The following SVOP variants were observed in gnomAD, a reference collection of about 807,000 sequenced individuals.
The protein encoded by SVOP is SV2 related protein.
A neutral mutation model predicts 69.1 loss-of-function variants in SVOP; 17 were observed. The ratio of observed to expected loss-of-function variants is 0.25; its 90% CI spans 0.17 to 0.37. The LOEUF (loss-of-function observed/expected upper bound fraction) is 0.37, where lower values mean the gene tolerates loss of function less well. SVOP is among the 10% of genes least tolerant of loss of function. The probability of loss-of-function intolerance (pLI) is 1.00; values close to 1 mark genes in which losing one functional copy is unlikely to be tolerated. For synonymous variants in SVOP, 238 were observed against 238.6 expected (o/e 1.00, Z 0.02); for missense variants, 435 against 597.5 (o/e 0.73, Z 2.84).
chr12:108,977,631 C>G (rs1428073019), intron 3 of SVOP, 135 bp from the exon 4 acceptor site: 1 of 572,510 alleles, frequency 1.7e-6, no homozygotes, highest in Admixed American at 2.6e-5. Flanking sequence ...TGCTGCACAT[C>G]AAACCACACT....
chr12:108,971,250 G>A (rs1427851036), intron 5 of SVOP, among the ~76,000 whole-genome samples: 13 of 152,194 alleles, frequency 8.5e-5, no homozygotes, highest in African/African-American at 3.1e-4. Flanking sequence ...CCAACATGGT[G>A]AAACCCTGTC....
Position 108,908,854 on chromosome 12 carries a change from C to T in SVOP, c.*3681G>A, listed in dbSNP as rs1012999183. On this transcript the variant is annotated 3_prime_UTR_variant, in exon 16 of 16. Transcript: ENST00000610966. The stretch of plus-strand genomic sequence containing the variant: ...GAGGCTGTGGGTATCCCTTGGTGCT[C>T]GTAGGCCCTTCCTTCCAGCCCTACA... The T allele has an allele frequency of 1.3e-5, 2 of 152,158 alleles. No individual in the cohort carries two copies. Among genetic ancestry groups the T allele is most frequent in the East Asian group, 1.9e-4 (1 of 5,186 alleles). The allele number at this position is 152,158 out of a possible 1,614,324, so 9.4% of individuals were successfully genotyped here.
rs1055919379 is a variant in SVOP at position 108,912,373 on chromosome 12, A to G, written c.*162T>C. 2.6e-4 allele frequency: 388 copies of G among 1,488,780 alleles called. No individual in the cohort carries two copies. Among genetic ancestry groups the G allele is most frequent in the Non-Finnish European group, 2.9e-4 (327 of 1,125,704 alleles). The allele number at this position is 1,488,780 out of a possible 1,614,324, so 92.2% of individuals were successfully genotyped here. ...TCTCCCCATCCCTGGGTGGACCTCA[A>G]TGAAGATGAGCAAACTGAGTCAAGA... is the stretch of plus-strand genomic sequence containing the variant. On this transcript the variant is annotated 3_prime_UTR_variant, in exon 16 of 16. Transcript: ENST00000610966.
chr12:108,970,395 A>C (rs2040071973), intron 5 of SVOP, among the ~76,000 whole-genome samples: 1 of 152,176 alleles, frequency 6.6e-6, no homozygotes, highest in African/African-American at 2.4e-5. Context: ...AATGGTTATT[A>C]AGGGGATTGG....
At chr12:109,015,585 G>A (rs1427720632) in intron 1 of SVOP, among the ~76,000 whole-genome samples, 5 of 152,170 alleles carry the variant, frequency 3.3e-5, no homozygotes, top group Non-Finnish European at 5.9e-5. Flanking sequence ...GCCAAGGCGG[G>A]AGGGTCACTT....
Position 108,934,359 on chromosome 12 carries a change from C to T in SVOP, c.972-88G>A, listed in dbSNP as rs551500509. On this transcript the variant is annotated intron_variant, in intron 10 of 15. Coordinates refer to ENST00000610966, the MANE Select transcript of SVOP (RefSeq NM_018711.5). The stretch of plus-strand genomic sequence containing the variant: ...CCCCCTTGGGAAGGGCCAATGTCTA[C>T]AGCAGCAGGGACCAGTCTTTGGGCT... 5.4e-6 allele frequency: 6 copies of T among 1,116,892 alleles called. No individual in the cohort carries two copies. In the African/African-American group the frequency reaches 7.8e-5, roughly 15 times the overall value. 69.2% of individuals were successfully genotyped at this position (1,116,892 alleles called of 1,614,324 possible).
Position 108,977,606 on chromosome 12 carries a change from C to G in SVOP, c.283-110G>C, listed in dbSNP as rs944173698. 50 of 643,952 alleles carry G rather than the reference C, an allele frequency of 7.8e-5. No individual in the cohort carries two copies. In the Admixed American group the frequency reaches 1.0e-3, roughly 13 times the overall value. 39.9% of individuals were successfully genotyped at this position (643,952 alleles called of 1,614,324 possible). On this transcript the variant is annotated intron_variant, in intron 3 of 15. Coordinates refer to ENST00000610966, the MANE Select transcript of SVOP (RefSeq NM_018711.5). ...AGACTGTAGCACACCCCTCTCTACC[C>G]ATTGCCAAGTGCCCTGCTGCACATC...
At chr12:108,963,756 C>T (rs2040030156) in intron 5 of SVOP, among the ~76,000 whole-genome samples, 1 of 152,182 alleles carries the variant, frequency 6.6e-6, no homozygotes, top group African/African-American at 2.4e-5. Context: ...ATCCACCCAC[C>T]TCAGCCTCCT....
chr12:108,918,369 G>C (rs958173113), intron 13 of SVOP, among the ~76,000 whole-genome samples: 21 of 152,208 alleles, frequency 1.4e-4, no homozygotes, highest in African/African-American at 4.8e-4. Context: ...CCCAGGATGG[G>C]CACAAGATTA....
intron 6 of SVOP, among the ~76,000 whole-genome samples, chr12:108,948,521 C>A (rs2039937116): frequency 6.6e-6 from 1 of 152,168 alleles, no homozygotes; most frequent in Non-Finnish European, 1.5e-5. Context: ...AGCAGAAGAG[C>A]CAACATTTTA....
At chr12:108,995,973 CAT>C (rs914978894) in intron 1 of SVOP, among the ~76,000 whole-genome samples, 12 of 151,678 alleles carry the variant, frequency 7.9e-5, no homozygotes, top group African/African-American at 2.4e-4. Context: ...CACACACACA[CAT>C]ACATACATAC....
intron 1 of SVOP, among the ~76,000 whole-genome samples, chr12:108,990,039 C>G (rs898204790): frequency 6.6e-6 from 1 of 152,266 alleles, no homozygotes; most frequent in East Asian, 1.9e-4. Flanking sequence ...CTAGGTCACA[C>G]AGCTTGAAGG....
In SVOP at chr12:108,921,501, AGTTGCCCACTACTGT is replaced by A. The variant is rs547211449; in HGVS notation, c.1156+1174_1156+1188del. 9.3e-4 allele frequency among the ~76,000 whole-genome samples: 142 copies of A among 152,286 alleles called. 1 individual carries two copies. The highest frequency in any genetic ancestry group is 6.8e-3 in the Admixed American group (104 of 15,290). ...AACAAACAAAAGGTGGGTATCAAGCAGTTGCCCACTACTGTGGGCAACTGGAGCTGAATTCCACTG... is the reference window on the plus strand; with the variant it reads ...AACAAACAAAAGGTGGGTATCAAGCAGGGCAACTGGAGCTGAATTCCACTG... On this transcript the variant is annotated intron_variant, in intron 12 of 15. Transcript: ENST00000610966.
intron 2 of SVOP, among the ~76,000 whole-genome samples, chr12:108,982,064 T>A (rs935877940): frequency 4.0e-5 from 6 of 151,250 alleles, no homozygotes; most frequent in Admixed American, 2.6e-4. Flanking sequence ...GTCACCATCA[T>A]AACCACCATC....
rs779189165 is a variant in SVOP, at chr12:108,938,929, A to G, written c.795T>C (p.Asp265=). ...CCTTTTCCTGGTTCCCTGACAGCAC[A>G]TCATACCTTGCACTTTCAGGCAGCC... is the stretch of plus-strand genomic sequence containing the variant. The part of the protein sequence containing the change: ...CFWLPESARY[D]VLSGNQEKAI... Residue 265 remains aspartate, a synonymous_variant, in exon 9 of 16, where the codon GAT becomes GAC. Coordinates refer to ENST00000610966, the MANE Select transcript of SVOP (RefSeq NM_018711.5). 1 of 1,613,970 alleles carries G rather than the reference A, an allele frequency of 6.2e-7. No individual in the cohort carries two copies. The highest frequency in any genetic ancestry group is 2.2e-5 in the East Asian group (1 of 44,876).
At chr12:108,970,178 C>G (rs182355752) in intron 5 of SVOP, among the ~76,000 whole-genome samples, 1 of 152,152 alleles carries the variant, frequency 6.6e-6, no homozygotes, top group Admixed American at 6.5e-5. Context: ...ATTGCTGGAA[C>G]GTTCATTCAT....
intron 5 of SVOP, among the ~76,000 whole-genome samples, chr12:108,969,716 T>TTCTTCCTTCCTTCC (rs2040067689): frequency 6.8e-6 from 1 of 146,986 alleles, no homozygotes; most frequent in East Asian, 2.1e-4. Context: ...CTCCTTTTTT[T>TTCTTCCTTCCTTCC]TCCTTCCTTC....
intron 4 of SVOP, among the ~76,000 whole-genome samples, chr12:108,973,111 C>T (rs569645436): frequency 9.2e-5 from 14 of 152,270 alleles, no homozygotes; most frequent in African/African-American, 2.9e-4. Flanking sequence ...CTGACTGGCA[C>T]CTCATCACCA....
chr12:108,942,994 A>C (rs940009564), intron 7 of SVOP, among the ~76,000 whole-genome samples: 1 of 152,002 alleles, frequency 6.6e-6, no homozygotes, highest in African/African-American at 2.4e-5. Flanking sequence ...CCTGACCTCA[A>C]GCAATCTGCC....
Sources: allele counts gnomAD v4.1 joint callset (sites outside exome capture counted in the v4.1 genomes callset), GRCh38; gene constraint gnomAD v4.1.1; transcripts MANE v1.5; gene names NCBI Gene and HGNC (gene_info 2026-07-23, HGNC 2026-07-21).